NKD1: variants seen among roughly 807,000 people sequenced by gnomAD.
NKD1 encodes protein naked cuticle homolog 1.
NKD1 carries 21 observed loss-of-function variants against 56.0 expected under a neutral mutation model. The observed-to-expected ratio is 0.38, with a 90% CI of 0.27 to 0.54. The LOEUF is 0.54. NKD1 is among the 20% of genes least tolerant of loss of function. The pLI is 0.82. For synonymous variants in NKD1, 263 were observed against 265.7 expected (o/e 0.99, Z 0.10); for missense variants, 578 against 642.7 (o/e 0.90, Z 1.09).
At position 50,633,125 on chromosome 16, in the gene NKD1, C is replaced by T; in HGVS notation, c.824-67C>T. ...GGAGAACTGGGGGCGGGGGTGATGTCTGGGGTATAGCGCAAGCCCCAGCAC... is the reference window on the plus strand; with the variant it reads ...GGAGAACTGGGGGCGGGGGTGATGTTTGGGGTATAGCGCAAGCCCCAGCAC... On this transcript the variant is annotated intron_variant, in intron 9 of 9. Transcript: ENST00000268459. The surrounding 1 kb of genome is among the most constrained non-coding windows in gnomAD (Gnocchi z 4.9). 6.9e-7 allele frequency: 1 copy of T among 1,441,164 alleles called. No homozygotes were observed. 89.3% of individuals were successfully genotyped at this position (1,441,164 alleles called of 1,614,324 possible). A position where few individuals can be genotyped will look rare whatever the true frequency, so the allele number is the denominator to read the frequency against.
At chr16:50,592,573 T>C (rs1225722638) in intron 3 of NKD1, among the ~76,000 whole-genome samples, 1 of 152,186 alleles carries the variant, frequency 6.6e-6, no homozygotes, top group Non-Finnish European at 1.5e-5. Context: ...ACGGACCCTG[T>C]CCTCAACGAG....
At chr16:50,618,709 A>T (rs887280869) in intron 4 of NKD1, among the ~76,000 whole-genome samples, 1 of 152,186 alleles carries the variant, frequency 6.6e-6, no homozygotes, top group Non-Finnish European at 1.5e-5. Context: ...AGGATGGATC[A>T]CAGGCCCCAT....
chr16:50,549,506 C>T lies in NKD1; in HGVS notation c.143C>T (p.Ser48Leu), dbSNP rs1219609415. ...AGACAGCGCTGCCCGGGCGGTGTCT[C>T]GGGACCCCGACAGCTGCGGTTGGCG... ...IGRQRCPGGV[S>L]GPRQLRLAGT... Residue 48 changes from serine (S) to leucine (L), a missense_variant, in exon 3 of 10, where the codon TCG (serine) becomes TTG (leucine). Ser to Leu is a moderately radical substitution (Grantham distance 145). Coordinates refer to ENST00000268459, the MANE Select transcript of NKD1 (RefSeq NM_033119.5). 2 of 1,608,664 alleles carry T rather than the reference C, an allele frequency of 1.2e-6. No individual in the cohort carries two copies. Among genetic ancestry groups the T allele is most frequent in the Non-Finnish European group, 1.7e-6 (2 of 1,177,496 alleles).
intron 5 of NKD1, 186 bp from the exon 6 acceptor site, chr16:50,625,299 C>T: frequency 3.3e-6 from 2 of 602,486 alleles, no homozygotes; most frequent in Admixed American, 2.8e-5. Context: ...ACCTCCCCTG[C>T]CCGGGCTCTG....
intron 3 of NKD1, among the ~76,000 whole-genome samples, chr16:50,589,440 C>A (rs1961300128): frequency 6.6e-6 from 1 of 152,324 alleles, no homozygotes; most frequent in Middle Eastern, 3.4e-3. Flanking sequence ...TTTTCTATAG[C>A]CCAGCATGCC....
At chr16:50,607,045 A>G in intron 3 of NKD1, 1 of 457,300 alleles carries the variant, frequency 2.2e-6, no homozygotes, top group Non-Finnish European at 4.4e-6. Context: ...GGAGGAGAGG[A>G]AGCCATCCTG....
chr16:50,567,015 T>G (rs35185396), intron 3 of NKD1, among the ~76,000 whole-genome samples: 7 of 132,742 alleles, frequency 5.3e-5, no homozygotes, highest in African/African-American at 1.8e-4. Flanking sequence ...GCCCCCCCCC[T>G]TTTTTTTTAA....
chr16:50,642,130 C>A lies in NKD1; in HGVS notation c.*8349C>A, dbSNP rs996351389. 1.3e-5 allele frequency: 2 copies of A among 152,190 alleles called. No homozygotes were observed. The highest frequency in any genetic ancestry group is 4.8e-5 in the African/African-American group (2 of 41,432). 9.4% of individuals were successfully genotyped at this position (152,190 alleles called of 1,614,324 possible). ...ACATATCAGGCTTCCTGGAGGAATGCCCCCCAGCTCTCTTGGAGGGGGAAG... is the reference window on the plus strand; with the variant it reads ...ACATATCAGGCTTCCTGGAGGAATGACCCCCAGCTCTCTTGGAGGGGGAAG... On this transcript the variant is annotated 3_prime_UTR_variant, in exon 10 of 10. Coordinates refer to ENST00000268459, the MANE Select transcript of NKD1 (RefSeq NM_033119.5).
intron 3 of NKD1, among the ~76,000 whole-genome samples, chr16:50,604,870 A>G (rs923757293): frequency 6.6e-5 from 10 of 152,362 alleles, no homozygotes; most frequent in African/African-American, 2.2e-4. Flanking sequence ...CAAGTCCCCA[A>G]GTTGTGGGGA....
chr16:50,593,226 G>C (rs568422792), intron 3 of NKD1, among the ~76,000 whole-genome samples: 3 of 152,252 alleles, frequency 2.0e-5, no homozygotes, highest in Admixed American at 6.5e-5. Flanking sequence ...AGGAGCGAGT[G>C]AGCAGGACTC....
At chr16:50,587,324 G>A (rs756266555) in intron 3 of NKD1, among the ~76,000 whole-genome samples, 2 of 152,194 alleles carry the variant, frequency 1.3e-5, no homozygotes, top group Non-Finnish European at 2.9e-5. Context: ...ACTTTGAATC[G>A]CAAGGCTGGT....
At position 50,633,267 on chromosome 16, in the gene NKD1, C is replaced by T. The variant is rs115133241; in HGVS notation, c.899C>T (p.Pro300Leu). 33 of 1,614,040 alleles carry T rather than the reference C, an allele frequency of 2.0e-5. No individual in the cohort carries two copies. The highest frequency in any genetic ancestry group is 2.0e-4 in the African/African-American group (15 of 74,932). ...SNPTRSRSHEPEAIHIPHRKP... is the reference protein window; with the variant it reads ...SNPTRSRSHELEAIHIPHRKP... ...CCCACTCGATCTCGCTCCCATGAGCCGGAAGCCATCCACATCCCACACCGA... is the reference window on the plus strand; with the variant it reads ...CCCACTCGATCTCGCTCCCATGAGCTGGAAGCCATCCACATCCCACACCGA... The change falls in exon 10 of 10, where the codon CCG becomes CTG. Residue 300 changes from proline to leucine, a missense_variant. By Grantham distance (98) the Pro-to-Leu change is moderately conservative. Coordinates refer to ENST00000268459, the MANE Select transcript of NKD1 (RefSeq NM_033119.5). The surrounding 1 kb of genome is among the most constrained non-coding windows in gnomAD (Gnocchi z 4.9).
chr16:50,554,066 G>C (rs1398302107), intron 3 of NKD1: 2 of 152,292 alleles, frequency 1.3e-5, no homozygotes, highest in African/African-American at 4.8e-5. Flanking sequence ...TAGAGGCTTC[G>C]AGGAGTGTCT....
Position 50,633,725 on chromosome 16 carries a change from G to A in NKD1, c.1357G>A (p.Glu453Lys), listed in dbSNP as rs768637306. 9 of 1,572,414 alleles carry A rather than the reference G, an allele frequency of 5.7e-6. No individual in the cohort carries two copies. The highest frequency in any genetic ancestry group is 2.3e-5 in the East Asian group (1 of 42,810). The stretch of plus-strand genomic sequence containing the variant: ...GGCCGGGCAGCCGGTCCAGAGACAT[G>A]AGCACCACCACCACCATGAACATCA... ...SQAGQPVQRH[E>K]HHHHHEHHHH... Residue 453 changes from glutamate to lysine, a missense_variant, in exon 10 of 10, where the codon GAG (glutamate) becomes AAG (lysine). Glu to Lys is a moderately conservative substitution (Grantham distance 56, BLOSUM62 1). Transcript: ENST00000268459. The surrounding 1 kb of genome is among the most constrained non-coding windows in gnomAD (Gnocchi z 4.9).
At chr16:50,548,857 C>T in intron 2 of NKD1, 108 bp downstream of exon 2, 1 of 1,215,858 alleles carries the variant, frequency 8.2e-7, no homozygotes, top group Non-Finnish European at 1.1e-6. Context: ...CCCCGAAGCC[C>T]CAGTTCCGGC....
At chr16:50,583,877 A>C (rs1961171559) in intron 3 of NKD1, among the ~76,000 whole-genome samples, 1 of 152,222 alleles carries the variant, frequency 6.6e-6, no homozygotes, top group Admixed American at 6.5e-5. Flanking sequence ...TTGAATCCTG[A>C]TCTAAACACA....
chr16:50,591,792 C>T (rs1227878218), intron 3 of NKD1, among the ~76,000 whole-genome samples: 7 of 152,328 alleles, frequency 4.6e-5, no homozygotes, highest in East Asian at 3.9e-4. Context: ...AATGAGCGTG[C>T]GCCACCTGGG....
intron 3 of NKD1, chr16:50,574,658 G>A (rs908851657): frequency 3.5e-5 from 34 of 985,294 alleles, no homozygotes; most frequent in Middle Eastern, 5.2e-4. Flanking sequence ...GGAGCCAGGG[G>A]GTCCCCTCCC....
intron 3 of NKD1, chr16:50,566,111 A>G (rs1036383350): frequency 4.1e-6 from 4 of 980,204 alleles, no homozygotes; most frequent in Non-Finnish European, 4.8e-6. Flanking sequence ...GGAGGAAAGC[A>G]GCTTCAGGGG....
Sources: allele counts gnomAD v4.1 joint callset (sites outside exome capture counted in the v4.1 genomes callset), GRCh38; gene constraint gnomAD v4.1.1; non-coding constraint Gnocchi (gnomAD v3.1); transcripts MANE v1.5; gene names NCBI Gene and HGNC (gene_info 2026-07-23, HGNC 2026-07-21).